Variants in NDUFS4 observed in about 807,000 individuals in gnomAD.
NDUFS4 encodes NADH:ubiquinone oxidoreductase subunit S4.
In NDUFS4, 28 loss-of-function variants were observed where a neutral mutation model predicts 24.3. The ratio of observed to expected loss-of-function variants is 1.15; its 90% CI spans 0.85 to 1.58. The LOEUF (loss-of-function observed/expected upper bound fraction) is 1.58. NDUFS4 is among the 40% of genes most tolerant of loss of function. The probability of loss-of-function intolerance (pLI) is 0.00; values close to 1 mark genes in which losing one functional copy is unlikely to be tolerated. For missense variants in NDUFS4, 223 were observed against 207.9 expected (o/e 1.07, Z -0.45); for synonymous variants, 93 against 69.7 (o/e 1.34, Z -1.67).
At chr5:53,623,264 T>C (rs1490990605) in intron 2 of NDUFS4, among the ~76,000 whole-genome samples, 1 of 152,230 alleles carries the variant, frequency 6.6e-6, no homozygotes, top group African/African-American at 2.4e-5. Context: ...TTTCTCTGCA[T>C]CCTCACCAAC....
intron 2 of NDUFS4, among the ~76,000 whole-genome samples, chr5:53,635,876 T>C (rs1256205956): frequency 7.1e-6 from 1 of 140,640 alleles, no homozygotes; most frequent in Non-Finnish European, 1.5e-5. Flanking sequence ...TTTTCTAAAA[T>C]TGCATTTCAT....
chr5:53,657,608 A>G (rs1031500234), intron 3 of NDUFS4, among the ~76,000 whole-genome samples: 9 of 152,114 alleles, frequency 5.9e-5, no homozygotes, highest in Admixed American at 5.9e-4. Flanking sequence ...CATTTGTAGC[A>G]AACAGTGTTC....
rs547960167 is a variant in NDUFS4, at chr5:53,655,914, G to A, written c.351-2637G>A. 4.6e-5 allele frequency among the ~76,000 whole-genome samples: 7 copies of A among 152,216 alleles called. No individual in the cohort carries two copies. In the East Asian group the frequency reaches 7.8e-4, roughly 17 times the overall value. On this transcript the variant is annotated intron_variant, in intron 3 of 4. Coordinates refer to ENST00000296684, the MANE Select transcript of NDUFS4 (RefSeq NM_002495.4). ...TCAGACTCAGTCTCCCCTGTAACAG[G>A]CAGCTGCTGAAATCTTTGCTCAATT...
At chr5:53,634,953 C>T (rs1432449695) in intron 2 of NDUFS4, among the ~76,000 whole-genome samples, 1 of 151,924 alleles carries the variant, frequency 6.6e-6, no homozygotes, top group African/African-American at 2.4e-5. Context: ...CTTTGGGAGG[C>T]CGAGGCGGGT....
At position 53,582,521 on chromosome 5, in the gene NDUFS4, CAG is replaced by C. The variant is rs766865330; in HGVS notation, c.99-20927_99-20926del. Among the ~76,000 whole-genome samples, 20 of 152,336 alleles carry C rather than the reference CAG, an allele frequency of 1.3e-4. No individual in the cohort carries two copies. The East Asian group carries it at 2.7e-3, about 21-fold the overall frequency. ...GGATGTGGGAGGAAACTGGAGTACA[CAG>C]AGAAAACCCATGTGAACATGAGGAG... On this transcript the variant is annotated intron_variant, in intron 1 of 4. Transcript: ENST00000296684.
chr5:53,681,155 T>A (rs1387246994), intron 4 of NDUFS4, among the ~76,000 whole-genome samples: 1 of 152,122 alleles, frequency 6.6e-6, no homozygotes, highest in Non-Finnish European at 1.5e-5. Flanking sequence ...ATTGAGTGCC[T>A]ACTATAAACC....
At chr5:53,633,521 C>G (rs531820291) in intron 2 of NDUFS4, among the ~76,000 whole-genome samples, 12 of 152,146 alleles carry the variant, frequency 7.9e-5, no homozygotes, top group Non-Finnish European at 1.5e-4. Flanking sequence ...CCTCCTTTAT[C>G]CTATCATATT....
intron 1 of NDUFS4, among the ~76,000 whole-genome samples, chr5:53,583,126 C>T (rs1749627179): frequency 1.3e-5 from 2 of 152,158 alleles, no homozygotes; most frequent in African/African-American, 4.8e-5. Context: ...ATCCGCCCGC[C>T]TCGGCCTCCC....
At chr5:53,571,652 A>G (rs28855127) in intron 1 of NDUFS4, among the ~76,000 whole-genome samples, 24,426 of 152,202 alleles carry the variant, frequency 0.16, 1,948 homozygotes, top group Middle Eastern at 0.19. Flanking sequence ...CCAGCAGTGA[A>G]TGAGGGTTCC....
chr5:53,588,741 G>T (rs1749849102), intron 1 of NDUFS4, among the ~76,000 whole-genome samples: 1 of 152,138 alleles, frequency 6.6e-6, no homozygotes, highest in Non-Finnish European at 1.5e-5. Flanking sequence ...TATGCAACTT[G>T]TACCAACTAG....
chr5:53,620,528 A>T (rs993689934), intron 2 of NDUFS4, among the ~76,000 whole-genome samples: 1 of 152,220 alleles, frequency 6.6e-6, no homozygotes, highest in Non-Finnish European at 1.5e-5. Context: ...CATAGCAGTT[A>T]GTGCTACAGA....
At chr5:53,606,613 C>T (rs1750519056) in intron 2 of NDUFS4, among the ~76,000 whole-genome samples, 1 of 152,194 alleles carries the variant, frequency 6.6e-6, no homozygotes, top group South Asian at 2.1e-4. Flanking sequence ...AATCCACCTG[C>T]CTCGGCCTCC....
intron 1 of NDUFS4, among the ~76,000 whole-genome samples, chr5:53,594,546 A>G (rs1750072452): frequency 6.6e-6 from 1 of 151,808 alleles, no homozygotes; most frequent in African/African-American, 2.4e-5. Context: ...GATATCATTA[A>G]TATTAATGTC....
At chr5:53,613,316 A>G (rs189827202) in intron 2 of NDUFS4, among the ~76,000 whole-genome samples, 7 of 152,174 alleles carry the variant, frequency 4.6e-5, no homozygotes, top group Non-Finnish European at 1.0e-4. Context: ...GTCAAAGGAT[A>G]TGTCTCTTTG....
At chr5:53,581,997 G>A (rs1354617043) in intron 1 of NDUFS4, among the ~76,000 whole-genome samples, 1 of 152,098 alleles carries the variant, frequency 6.6e-6, no homozygotes, top group Non-Finnish European at 1.5e-5. Context: ...GGATCATGAG[G>A]TCAGGAGATT....
intron 2 of NDUFS4, among the ~76,000 whole-genome samples, chr5:53,623,272 AAC>A (rs548103988): frequency 1.6e-3 from 244 of 152,328 alleles, no homozygotes; most frequent in African/African-American, 5.3e-3. Context: ...CATCCTCACC[AAC>A]ATGTGTTATT....
At chr5:53,622,659 G>A (rs1330751655) in intron 2 of NDUFS4, among the ~76,000 whole-genome samples, 2 of 151,768 alleles carry the variant, frequency 1.3e-5, no homozygotes, top group African/African-American at 2.4e-5. Flanking sequence ...CCTTTTCATT[G>A]GATATAGAAT....
At chr5:53,679,747 A>C (rs915979061) in intron 4 of NDUFS4, among the ~76,000 whole-genome samples, 2 of 152,166 alleles carry the variant, frequency 1.3e-5, no homozygotes, top group Admixed American at 1.3e-4. Context: ...TTTCTTCTGC[A>C]GTTTCTTTCC....
chr5:53,637,184 A>G (rs1035055502), intron 2 of NDUFS4, among the ~76,000 whole-genome samples: 2 of 149,684 alleles, frequency 1.3e-5, no homozygotes, highest in African/African-American at 2.5e-5. Flanking sequence ...ATTCGTAGAG[A>G]TGAGGTGAAT....
Sources: allele counts gnomAD v4.1 joint callset (sites outside exome capture counted in the v4.1 genomes callset), GRCh38; gene constraint gnomAD v4.1.1; transcripts MANE v1.5; gene names NCBI Gene and HGNC (gene_info 2026-07-23, HGNC 2026-07-21).